The following ZRANB3 variants were observed in gnomAD, a reference collection of about 807,000 sequenced individuals.
ZRANB3 encodes zinc finger RANBP2-type containing 3.
In ZRANB3, 125 loss-of-function variants were observed where a neutral mutation model predicts 133.8. That is an observed-to-expected ratio of 0.93 (90% CI 0.81 to 1.08). The LOEUF is 1.08. ZRANB3 is among the 50% of genes least tolerant of loss of function. The pLI is 0.00. For missense variants in ZRANB3, 1,229 were observed against 1,275.5 expected, an observed-to-expected ratio of 0.96 and a Z score of 0.56; for synonymous variants, 387 against 432.7, an observed-to-expected ratio of 0.89 and a Z score of 1.31.
In ZRANB3 at chr2:135,224,520, A is replaced by G; in HGVS notation, c.2159-3T>C. The G allele has an allele frequency of 6.2e-7, 1 of 1,608,722 alleles. No homozygotes were observed. The highest frequency in any genetic ancestry group is 8.5e-7 in the Non-Finnish European group (1 of 1,176,810). ...AGTGTCTGAACTCTTCCACTGTTCT[A>G]TTAAAGAAGACAAAAGAGAACCTGA... On this transcript the variant is annotated splice_region_variant and splice_polypyrimidine_tract_variant and intron_variant, in intron 14 of 20. Transcript: ENST00000264159.
At chr2:135,494,248 C>T (rs1489702044) in intron 2 of ZRANB3, among the ~76,000 whole-genome samples, 1 of 136,766 alleles carries the variant, frequency 7.3e-6, no homozygotes, top group East Asian at 2.2e-4. Flanking sequence ...GCGGAGCTTG[C>T]AGTGAGCTGA....
At position 135,279,764 on chromosome 2, in the gene ZRANB3, C is replaced by T. The variant is rs568417784; in HGVS notation, c.967-4009G>A. Reference sequence around the variant, plus strand: ...TCCACTAGTGCTTCAAAAAGGTTTACGGTTACTAACATTATTATAAAGTTC... The same window carrying T: ...TCCACTAGTGCTTCAAAAAGGTTTATGGTTACTAACATTATTATAAAGTTC... On this transcript the variant is annotated intron_variant, in intron 8 of 20. Transcript: ENST00000264159. Among the ~76,000 whole-genome samples the T allele has an allele frequency of 2.4e-4, 37 of 152,188 alleles. 1 individual carries two copies. In the South Asian group the frequency reaches 7.0e-3, roughly 29 times the overall value.
rs1050780141 is a variant in ZRANB3, at chr2:135,418,950, T to G, written c.162-28130A>C. ...CTTTTTTTTTTTTTTTTTTTTTTTT[T>G]TTTTTGAGACGGAGTCTCGTTCTGT... is the stretch of plus-strand genomic sequence containing the variant. On this transcript the variant is annotated intron_variant, in intron 2 of 20. Coordinates refer to ENST00000264159, the MANE Select transcript of ZRANB3 (RefSeq NM_032143.4). 2.4e-4 allele frequency among the ~76,000 whole-genome samples: 28 copies of G among 117,322 alleles called. 1 individual carries two copies. The highest frequency in any genetic ancestry group is 6.9e-4 in the Admixed American group (8 of 11,602). The allele number at this position is 117,322 out of a possible 152,430, so 77.0% of individuals were successfully genotyped here.
intron 12 of ZRANB3, among the ~76,000 whole-genome samples, chr2:135,231,833 G>A (rs1047840069): frequency 6.6e-6 from 1 of 151,924 alleles, no homozygotes; most frequent in Non-Finnish European, 1.5e-5. Flanking sequence ...CAAGATGGCC[G>A]AATAGGAACA....
At chr2:135,413,815 G>C (rs777776591) in intron 2 of ZRANB3, among the ~76,000 whole-genome samples, 3 of 152,018 alleles carry the variant, frequency 2.0e-5, no homozygotes, top group Admixed American at 6.6e-5. Flanking sequence ...CATTCTTAAA[G>C]AAAAGAATTT....
intron 8 of ZRANB3, among the ~76,000 whole-genome samples, chr2:135,278,621 T>C (rs1170368013): frequency 1.3e-5 from 2 of 152,182 alleles, no homozygotes; most frequent in Non-Finnish European, 1.5e-5. Context: ...CAATGCTTAA[T>C]GTTTAAAGAT....
intron 2 of ZRANB3, among the ~76,000 whole-genome samples, chr2:135,494,930 G>C (rs1692596780): frequency 6.6e-6 from 1 of 152,152 alleles, no homozygotes; most frequent in Admixed American, 6.6e-5. Flanking sequence ...ATATATTAAA[G>C]TATTGTATAA....
intron 12 of ZRANB3, among the ~76,000 whole-genome samples, chr2:135,243,732 C>A (rs1302995435): frequency 6.6e-6 from 1 of 152,064 alleles, no homozygotes; most frequent in Non-Finnish European, 1.5e-5. Context: ...GATGCTCTTG[C>A]CTCAGCCTCC....
At chr2:135,514,236 T>A (rs943292722) in intron 1 of ZRANB3, among the ~76,000 whole-genome samples, 4 of 152,226 alleles carry the variant, frequency 2.6e-5, no homozygotes, top group Admixed American at 6.5e-5. Flanking sequence ...TTGGGCAATA[T>A]GGCCACTTTC....
intron 2 of ZRANB3, among the ~76,000 whole-genome samples, chr2:135,401,622 A>C (rs1687733544): frequency 6.6e-6 from 1 of 152,208 alleles, no homozygotes; most frequent in Non-Finnish European, 1.5e-5. Flanking sequence ...GCTTGTTAAA[A>C]TAGGGTTGAC....
intron 2 of ZRANB3, among the ~76,000 whole-genome samples, chr2:135,443,727 A>G (rs1271366450): frequency 2.6e-5 from 4 of 152,192 alleles, no homozygotes; most frequent in Non-Finnish European, 1.5e-5. Context: ...TACTTTTCAA[A>G]AAGTATCAAG....
At chr2:135,316,941 G>T (rs1683283558) in intron 6 of ZRANB3, among the ~76,000 whole-genome samples, 1 of 143,934 alleles carries the variant, frequency 6.9e-6, no homozygotes, top group Non-Finnish European at 1.5e-5. Context: ...ACTCCAGCCT[G>T]GTGACAGAGC....
At chr2:135,295,896 A>C (rs1682049401) in intron 8 of ZRANB3, among the ~76,000 whole-genome samples, 1 of 152,304 alleles carries the variant, frequency 6.6e-6, no homozygotes, top group South Asian at 2.1e-4. Context: ...AAGAATGTTG[A>C]ATATTGGCCC....
At chr2:135,219,209 C>A (rs532828222) in intron 15 of ZRANB3, 31 bp from the exon 16 acceptor site, 19 of 1,385,840 alleles carry the variant, frequency 1.4e-5, no homozygotes, top group Admixed American at 3.0e-5. Context: ...CACTAATAAT[C>A]CATTTTTGTA....
intron 1 of ZRANB3, among the ~76,000 whole-genome samples, chr2:135,508,547 C>A (rs1693300729): frequency 6.6e-6 from 1 of 151,922 alleles, no homozygotes; most frequent in South Asian, 2.1e-4. Flanking sequence ...TAAAAGAAAT[C>A]TAAAACATTA....
chr2:135,492,608 T>C (rs778100472), intron 2 of ZRANB3, among the ~76,000 whole-genome samples: 2 of 152,188 alleles, frequency 1.3e-5, no homozygotes, highest in Non-Finnish European at 2.9e-5. Flanking sequence ...TCTTTTAAAA[T>C]GTAGCACCAG....
intron 1 of ZRANB3, chr2:135,510,851 C>G (rs879246158): frequency 1.9e-6 from 2 of 1,035,476 alleles, no homozygotes; most frequent in Non-Finnish European, 3.1e-6. Context: ...CCACCACGTT[C>G]CCATAATTTT....
Position 135,248,403 on chromosome 2 carries a change from C to T in ZRANB3, c.1539+17131G>A, listed in dbSNP as rs1190322088. 2.0e-5 allele frequency among the ~76,000 whole-genome samples: 3 copies of T among 152,318 alleles called. No homozygotes were observed. In the East Asian group the frequency reaches 5.8e-4, roughly 29 times the overall value. On this transcript the variant is annotated intron_variant, in intron 12 of 20. Coordinates refer to ENST00000264159, the MANE Select transcript of ZRANB3 (RefSeq NM_032143.4). ...AAAGTTCTCATGACAACACCAAAGG[C>T]AGTCTTAACAAAAGCAACAGTTGAC... is the stretch of plus-strand genomic sequence containing the variant.
intron 5 of ZRANB3, among the ~76,000 whole-genome samples, chr2:135,348,802 C>T (rs1553476721): frequency 1.3e-5 from 2 of 152,112 alleles, no homozygotes; most frequent in Admixed American, 6.5e-5. Context: ...CCATGTTGGC[C>T]AGGCTGGTCT....
Sources: gnomAD v4.1 joint callset for allele counts (sites outside exome capture counted in the v4.1 genomes callset) on GRCh38, gnomAD v4.1.1 for gene constraint, MANE v1.5 for transcripts, NCBI Gene and HGNC (gene_info 2026-07-23, HGNC 2026-07-21) for gene names.